Variants in RBMS3 observed in about 807,000 individuals in gnomAD.
The protein encoded by RBMS3 is RNA-binding motif, single-stranded-interacting protein 3.
In RBMS3, 27 loss-of-function variants were observed where a neutral mutation model predicts 66.8. The ratio of observed to expected loss-of-function variants is 0.40; its 90% CI spans 0.30 to 0.56. The LOEUF is 0.56. Among genes scored for constraint, RBMS3 ranks in the 20% least tolerant of loss-of-function variants. The pLI is 0.40. For missense variants in RBMS3, 513 were observed against 549.5 expected, an observed-to-expected ratio of 0.93 and a Z score of 0.66; for synonymous variants, 188 against 183.0, an observed-to-expected ratio of 1.03 and a Z score of -0.22.
chr3:29,345,936 T>A (rs753716253), intron 1 of RBMS3, among the ~76,000 whole-genome samples: 1 of 152,206 alleles, frequency 6.6e-6, no homozygotes, highest in South Asian at 2.1e-4. Context: ...AAAGTGAAGA[T>A]GTATGTTAAA....
At chr3:29,669,574 C>T (rs1175736149) in intron 4 of RBMS3, among the ~76,000 whole-genome samples, 3 of 152,126 alleles carry the variant, frequency 2.0e-5, no homozygotes, top group African/African-American at 7.2e-5. Flanking sequence ...AAAATGAAGT[C>T]CGGAGTGACT....
At chr3:29,620,443 C>T (rs1467907459) in intron 4 of RBMS3, among the ~76,000 whole-genome samples, 5 of 152,076 alleles carry the variant, frequency 3.3e-5, no homozygotes, top group African/African-American at 7.2e-5. Flanking sequence ...TCATTGAAGT[C>T]GCCAGTAACT....
chr3:29,875,857 A>T (rs1252448200), intron 7 of RBMS3, among the ~76,000 whole-genome samples: 1 of 152,024 alleles, frequency 6.6e-6, no homozygotes, highest in East Asian at 1.9e-4. Flanking sequence ...GCATCTTTCT[A>T]TCTTGTCCTT....
rs113837720 is a variant in RBMS3 at position 29,769,485 on chromosome 3, C to T, written c.637+6496C>T. 6.4e-3 allele frequency among the ~76,000 whole-genome samples: 975 copies of T among 151,876 alleles called. 10 individuals carry two copies. The highest frequency in any genetic ancestry group is 0.016 in the African/African-American group (648 of 41,456). On this transcript the variant is annotated intron_variant, in intron 6 of 14. Transcript: ENST00000383767. ...CTTTAGTCGAGCAGCTGGAGGCTTACGATTAGAAGGTTGGAAGGTCTTTCA... is the reference window on the plus strand; with the variant it reads ...CTTTAGTCGAGCAGCTGGAGGCTTATGATTAGAAGGTTGGAAGGTCTTTCA...
chr3:29,508,964 TTC>T (rs1468607885), intron 3 of RBMS3, among the ~76,000 whole-genome samples: 3 of 151,930 alleles, frequency 2.0e-5, no homozygotes, highest in African/African-American at 7.2e-5. Context: ...TGATGAGCTT[TTC>T]TTCATGTGTT....
rs955197623 is a variant in RBMS3 at position 29,327,338 on chromosome 3, C to A, written c.75+45582C>A. On this transcript the variant is annotated intron_variant, in intron 1 of 14. Coordinates refer to ENST00000383767, the MANE Select transcript of RBMS3 (RefSeq NM_001003793.3). ...TTTTGTAAATTATGCCTGAAAAAAT[C>A]GTGATTGTTCCTGTTGCTTTGAAGT... Among the ~76,000 whole-genome samples the A allele has an allele frequency of 2.0e-5, 3 of 152,004 alleles. No homozygotes were observed. In the East Asian group the frequency reaches 5.8e-4, roughly 29 times the overall value.
At chr3:29,764,224 A>G (rs988341290) in intron 6 of RBMS3, among the ~76,000 whole-genome samples, 1 of 152,044 alleles carries the variant, frequency 6.6e-6, no homozygotes, top group African/African-American at 2.4e-5. Flanking sequence ...GTCAACATAC[A>G]GTGAAGACTG....
chr3:29,925,633 T>C (rs2060917524), intron 10 of RBMS3, among the ~76,000 whole-genome samples: 1 of 152,096 alleles, frequency 6.6e-6, no homozygotes, highest in Non-Finnish European at 1.5e-5. Context: ...AAACCAAGAA[T>C]CTTTTTAGAA....
chr3:29,733,439 C>T (rs1215562717), intron 4 of RBMS3, among the ~76,000 whole-genome samples: 1 of 151,872 alleles, frequency 6.6e-6, no homozygotes, highest in African/African-American at 2.4e-5. Flanking sequence ...TGAGGACCCT[C>T]ATACTGTTTT....
intron 3 of RBMS3, among the ~76,000 whole-genome samples, chr3:29,552,407 C>G (rs1473316651): frequency 6.6e-6 from 1 of 152,092 alleles, no homozygotes; most frequent in East Asian, 1.9e-4. Context: ...TTAATGAAAA[C>G]AGTCTTTGTA....
chr3:29,746,555 A>C (rs890174967), intron 5 of RBMS3, among the ~76,000 whole-genome samples: 9 of 152,160 alleles, frequency 5.9e-5, no homozygotes, highest in Admixed American at 1.3e-4. Context: ...GACCCCCTGC[A>C]GCTTCTTCAT....
chr3:29,676,219 G>C (rs1426810645), intron 4 of RBMS3, among the ~76,000 whole-genome samples: 1 of 152,126 alleles, frequency 6.6e-6, no homozygotes, highest in Non-Finnish European at 1.5e-5. Flanking sequence ...GGTGGGAACT[G>C]AACAATGAGA....
chr3:29,762,235 T>C (rs1053395919), intron 5 of RBMS3, among the ~76,000 whole-genome samples: 2 of 152,138 alleles, frequency 1.3e-5, no homozygotes, highest in Admixed American at 6.6e-5. Context: ...AACCTAAGGT[T>C]TGTGTATCTA....
chr3:29,729,361 C>T (rs1292924175), intron 4 of RBMS3, among the ~76,000 whole-genome samples: 1 of 152,082 alleles, frequency 6.6e-6, no homozygotes, highest in Non-Finnish European at 1.5e-5. Flanking sequence ...TGTATATGTG[C>T]CACATTTTCT....
chr3:29,816,280 G>A (rs1041086168), intron 6 of RBMS3, among the ~76,000 whole-genome samples: 25 of 149,032 alleles, frequency 1.7e-4, no homozygotes, highest in South Asian at 4.3e-4. Flanking sequence ...CCCCCTGTGC[G>A]CGCACACACA....
intron 1 of RBMS3, among the ~76,000 whole-genome samples, chr3:29,402,231 A>T (rs2125668286): frequency 6.6e-6 from 1 of 152,208 alleles, no homozygotes; most frequent in South Asian, 2.1e-4. Context: ...TGTAGGAAAC[A>T]TTATTCTAAT....
At chr3:29,425,709 C>G (rs1159324677) in intron 1 of RBMS3, among the ~76,000 whole-genome samples, 1 of 152,108 alleles carries the variant, frequency 6.6e-6, no homozygotes. Context: ...GCAAATATAT[C>G]TTTCTTATTA....
chr3:29,824,190 T>C, intron 6 of RBMS3, among the ~76,000 whole-genome samples: 1 of 149,580 alleles, frequency 6.7e-6, no homozygotes, highest in East Asian at 2.1e-4. Context: ...TGCAGTGCCT[T>C]TGGAAGGTGA....
intron 4 of RBMS3, among the ~76,000 whole-genome samples, chr3:29,667,625 A>C (rs988511679): frequency 2.6e-5 from 4 of 152,178 alleles, no homozygotes; most frequent in Admixed American, 2.6e-4. Flanking sequence ...CCATAGAAGA[A>C]ATTATCCTGA....
Sources: allele counts gnomAD v4.1 joint callset (sites outside exome capture counted in the v4.1 genomes callset), GRCh38; gene constraint gnomAD v4.1.1; transcripts MANE v1.5; gene names NCBI Gene and HGNC (gene_info 2026-07-23, HGNC 2026-07-21).